The following FREM3 variants were observed in gnomAD, a reference collection of about 807,000 sequenced individuals.
FREM3 encodes the protein FRAS1-related extracellular matrix protein 3.
A neutral mutation model predicts 129.1 loss-of-function variants in FREM3; 105 were observed. That is an observed-to-expected ratio of 0.81 (90% CI 0.69 to 0.96). The LOEUF is 0.96. Ranked by LOEUF, FREM3 falls within the 40% of genes least tolerant of loss-of-function variation. The pLI, the probability that FREM3 is intolerant of heterozygous loss-of-function variation, is 0.00. For missense variants in FREM3, 2,593 were observed against 2,666.3 expected (o/e 0.97, Z 0.61); for synonymous variants, 1,014 against 1,044.9 (o/e 0.97, Z 0.57).
Position 143,631,421 on chromosome 4 carries a change from G to C in FREM3, c.5276-3661C>G, listed in dbSNP as rs531240574. ...TGCGGTAGCACCGTCTCAGCTCACT[G>C]TAACCTCCACCTCCCAGGTTCAAGT... On this transcript the variant is annotated intron_variant, in intron 2 of 7. Transcript: ENST00000329798. 9.2e-5 allele frequency among the ~76,000 whole-genome samples: 14 copies of C among 152,188 alleles called. No homozygotes were observed. The South Asian group carries it at 2.9e-3, about 32-fold the overall frequency.
At chr4:143,595,874 C>T (rs1168832194) in intron 6 of FREM3, among the ~76,000 whole-genome samples, 21 of 102,586 alleles carry the variant, frequency 2.0e-4, no homozygotes, top group Middle Eastern at 0.014. Flanking sequence ...GGCGACAGAG[C>T]GAGACGCCAT....
In FREM3 at chr4:143,696,840, C is replaced by T. The variant is rs1455523998; in HGVS notation, c.3836G>A (p.Ser1279Asn). The change falls in exon 1 of 8, where the codon AGT (serine) becomes AAT (asparagine). Residue 1279 changes from serine to asparagine, a missense_variant. Coordinates refer to ENST00000329798, the MANE Select transcript of FREM3 (RefSeq NM_001168235.2). ...EHDDSETKED[S>N]FEVWLSDGKH... ...GCCGTCACTCAGCCAGACCTCAAAA[C>T]TGTCCTCTTTTGTCTCTGAGTCATC... 6.5e-7 allele frequency: 1 copy of T among 1,537,646 alleles called. No homozygotes were observed. Among genetic ancestry groups the T allele is most frequent in the Non-Finnish European group, 8.7e-7 (1 of 1,147,042 alleles).
At position 143,577,663 on chromosome 4, in the gene FREM3, A is replaced by G; in HGVS notation, c.6368T>C (p.Ile2123Thr). The change falls in exon 8 of 8, where the codon ATC becomes ACC. Residue 2123 changes from isoleucine to threonine, a missense_variant. Physicochemically the swap from Ile to Thr is moderately conservative, Grantham distance 89. This residue lies in a region of FREM3 where 317 missense variants were observed against 399.0 expected (regional missense o/e 0.79). Coordinates refer to ENST00000329798, the MANE Select transcript of FREM3 (RefSeq NM_001168235.2). Reference protein sequence around the residue: ...LGEPNKTTIFIEDTITDCKQS... With the variant: ...LGEPNKTTIFTEDTITDCKQS... ...CTTACAGTCCGTGATGGTGTCCTCG[A>G]TGAAAATGGTAGTTTTATTTGGTTC... 3 of 1,537,268 alleles carry G rather than the reference A, an allele frequency of 2.0e-6. No individual in the cohort carries two copies. The highest frequency in any genetic ancestry group is 8.7e-7 in the Non-Finnish European group (1 of 1,146,904).
At chr4:143,648,384 G>C (rs1046599945) in intron 2 of FREM3, among the ~76,000 whole-genome samples, 1 of 152,198 alleles carries the variant, frequency 6.6e-6, no homozygotes, top group Non-Finnish European at 1.5e-5. Context: ...ATTTTGTTTT[G>C]AAATGTGAGG....
chr4:143,700,567 C>T lies in FREM3; in HGVS notation c.109G>A (p.Gly37Arg). The change falls in exon 1 of 8, where the codon GGG becomes AGG. Residue 37 changes from glycine (G) to arginine (R), a missense_variant. Physicochemically the swap from Gly to Arg is moderately radical, Grantham distance 125. Transcript: ENST00000329798. Reference protein sequence around the residue: ...PALQGRASSLGTEPDPALYLP... With the variant: ...PALQGRASSLRTEPDPALYLP... ...TAAAGCGCCGGGTCGGGCTCGGTCC[C>T]AAGTGAGGATGCCCGTCCCTGCAGC... The T allele has an allele frequency of 6.6e-7, 1 of 1,508,630 alleles. No homozygotes were observed. Among genetic ancestry groups the T allele is most frequent in the East Asian group, 2.5e-5 (1 of 40,226 alleles). 93.5% of individuals were successfully genotyped at this position (1,508,630 alleles called of 1,614,324 possible). A position where few individuals can be genotyped will look rare whatever the true frequency, so the allele number is the denominator to read the frequency against.
chr4:143,671,276 A>G (rs577617250), intron 2 of FREM3, among the ~76,000 whole-genome samples: 27 of 152,304 alleles, frequency 1.8e-4, no homozygotes, highest in African/African-American at 5.0e-4. Flanking sequence ...TTGATTGACT[A>G]TATCAATTGA....
intron 2 of FREM3, among the ~76,000 whole-genome samples, chr4:143,664,922 G>A (rs540243091): frequency 3.6e-4 from 55 of 152,266 alleles, no homozygotes; most frequent in African/African-American, 1.2e-3. Context: ...CTAGTGCACC[G>A]TTTTTTAAGC....
In FREM3 at chr4:143,695,648, A is replaced by G; in HGVS notation, c.5028T>C (p.Thr1676=). ...RGAPALKRLH[T]GHMGFLITSK... ...TGGTAATCAGGAAGCCCATGTGTCCAGTGTGAAGGCGCTTCAAGGCTGGGG... is the reference window on the plus strand; with the variant it reads ...TGGTAATCAGGAAGCCCATGTGTCCGGTGTGAAGGCGCTTCAAGGCTGGGG... Residue 1676 remains threonine, a synonymous_variant, in exon 1 of 8, where the codon ACT becomes ACC. Transcript: ENST00000329798. 6.5e-7 allele frequency: 1 copy of G among 1,537,260 alleles called. No individual in the cohort carries two copies. Among genetic ancestry groups the G allele is most frequent in the Non-Finnish European group, 8.7e-7 (1 of 1,146,912 alleles).
intron 2 of FREM3, among the ~76,000 whole-genome samples, chr4:143,631,616 T>C (rs1480847973): frequency 6.6e-6 from 1 of 152,154 alleles, no homozygotes; most frequent in African/African-American, 2.4e-5. Context: ...TATATGAAAC[T>C]GTTAAATTAC....
At position 143,621,105 on chromosome 4, in the gene FREM3, AG is replaced by A. The variant is rs1738940471; in HGVS notation, c.5710del (p.Leu1904PhefsTer2). 2.0e-6 allele frequency: 3 copies of A among 1,537,182 alleles called. No homozygotes were observed. Among genetic ancestry groups the A allele is most frequent in the Non-Finnish European group, 2.6e-6 (3 of 1,146,820 alleles). On this transcript the variant is annotated frameshift_variant, in exon 5 of 8. Coordinates refer to ENST00000329798, the MANE Select transcript of FREM3 (RefSeq NM_001168235.2). LOFTEE classifies it high-confidence loss of function. Reference protein sequence around the residue: ...EYKIEEDIGELLIPVRRSGDA... With the variant: ...EYKIEEDIGEXLIPVRRSGDA... ...TCCAGATCGTCTTACTGGAATCAAAAGTTCCCCAATGTCCTCTTCTATTTTG... is the reference window on the plus strand; with the variant it reads ...TCCAGATCGTCTTACTGGAATCAAAATTCCCCAATGTCCTCTTCTATTTTG...
intron 2 of FREM3, among the ~76,000 whole-genome samples, chr4:143,666,356 G>A (rs1484418398): frequency 6.6e-6 from 1 of 152,030 alleles, no homozygotes; most frequent in Non-Finnish European, 1.5e-5. Context: ...TACAATTATT[G>A]AATGAGATAC....
intron 2 of FREM3, among the ~76,000 whole-genome samples, chr4:143,659,885 G>C (rs1739674289): frequency 6.6e-6 from 1 of 151,926 alleles, no homozygotes; most frequent in Non-Finnish European, 1.5e-5. Flanking sequence ...GTCTTCTTTT[G>C]AGAAGTGTCT....
At chr4:143,591,681 A>G in intron 6 of FREM3, among the ~76,000 whole-genome samples, 1 of 152,120 alleles carries the variant, frequency 6.6e-6, no homozygotes, top group Non-Finnish European at 1.5e-5. Context: ...GTTTTGGAAT[A>G]GGTGTGGTGT....
At chr4:143,660,383 C>T (rs1739688554) in intron 2 of FREM3, among the ~76,000 whole-genome samples, 1 of 152,094 alleles carries the variant, frequency 6.6e-6, no homozygotes, top group Admixed American at 6.5e-5. Context: ...TGTCAAAGAT[C>T]AGATAGTTGT....
At chr4:143,598,278 T>C (rs12641766) in intron 6 of FREM3, among the ~76,000 whole-genome samples, 51,254 of 152,066 alleles carry the variant, frequency 0.34, 9,955 homozygotes, top group South Asian at 0.44. Context: ...AATCAGAGCA[T>C]TTATGTGTGG....
chr4:143,599,426 C>T (rs2149837035), intron 6 of FREM3, among the ~76,000 whole-genome samples: 1 of 152,262 alleles, frequency 6.6e-6, no homozygotes, highest in Admixed American at 6.5e-5. Flanking sequence ...CCTTGCTTTC[C>T]TCATTTGTAA....
At chr4:143,596,558 T>A (rs57356340) in intron 6 of FREM3, among the ~76,000 whole-genome samples, 2 of 151,756 alleles carry the variant, frequency 1.3e-5, no homozygotes, top group East Asian at 3.9e-4. Flanking sequence ...AGATGATGAG[T>A]TTGGTTATAG....
At chr4:143,654,871 C>T (rs1739573091) in intron 2 of FREM3, among the ~76,000 whole-genome samples, 1 of 152,234 alleles carries the variant, frequency 6.6e-6, no homozygotes, top group South Asian at 2.1e-4. Flanking sequence ...CATACTACTT[C>T]GTGGTGAACT....
rs116327120 is a variant in FREM3, at chr4:143,628,984, A to T, written c.5276-1224T>A. Among the ~76,000 whole-genome samples, 1,255 of 152,242 alleles carry T rather than the reference A, an allele frequency of 8.2e-3. 25 individuals are homozygous for T. Among genetic ancestry groups the T allele is most frequent in the African/African-American group, 0.029 (1,205 of 41,536 alleles). ...GGTGGGTCATCTGTCCAGTAGGGCCAGTTAAGGAGGCAACAGGGTTTCCAC... is the reference window on the plus strand; with the variant it reads ...GGTGGGTCATCTGTCCAGTAGGGCCTGTTAAGGAGGCAACAGGGTTTCCAC... On this transcript the variant is annotated intron_variant, in intron 2 of 7. Coordinates refer to ENST00000329798, the MANE Select transcript of FREM3 (RefSeq NM_001168235.2).
Sources: gnomAD v4.1 joint callset for allele counts (sites outside exome capture counted in the v4.1 genomes callset) on GRCh38, gnomAD v4.1.1 for gene constraint, gnomAD v4.1.1 regional missense constraint, MANE v1.5 for transcripts, NCBI Gene and HGNC (gene_info 2026-07-23, HGNC 2026-07-21) for gene names.